LTBP1: variants seen among roughly 807,000 people sequenced by gnomAD.
LTBP1 encodes the protein latent transforming growth factor beta binding protein 1, also known as latent-transforming growth factor beta-binding protein 1.
Under a neutral mutation model 207.6 loss-of-function variants are expected in LTBP1, and 129 were observed. The ratio of observed to expected loss-of-function variants is 0.62; its 90% CI spans 0.54 to 0.72. LTBP1 has a LOEUF of 0.72. Among genes scored for constraint, LTBP1 ranks in the 30% least tolerant of loss-of-function variants. LTBP1 has a pLI of 0.00. For synonymous variants in LTBP1, 963 were observed against 833.7 expected (o/e 1.16, Z -2.67); for missense variants, 2,281 against 2,217.2 (o/e 1.03, Z -0.58).
chr2:33,019,587 C>T (rs954696604), intron 2 of LTBP1, among the ~76,000 whole-genome samples: 4 of 151,974 alleles, frequency 2.6e-5, no homozygotes, highest in East Asian at 1.9e-4. Context: ...CACCGGGCTC[C>T]GTCTCCCAAA....
chr2:33,264,285 TA>T (rs1238709938), intron 15 of LTBP1, among the ~76,000 whole-genome samples: 6 of 150,942 alleles, frequency 4.0e-5, no homozygotes, highest in Admixed American at 3.3e-4. Context: ...GAATATGATG[TA>T]ATGATTACCA....
At chr2:33,165,786 A>G (rs2084861980) in intron 5 of LTBP1, among the ~76,000 whole-genome samples, 1 of 152,232 alleles carries the variant, frequency 6.6e-6, no homozygotes, top group East Asian at 1.9e-4. Context: ...ATCACCTAGT[A>G]AAGTCTGCTT....
At chr2:32,984,959 C>CAAAAT in intron 2 of LTBP1, among the ~76,000 whole-genome samples, 1 of 151,896 alleles carries the variant, frequency 6.6e-6, no homozygotes, top group South Asian at 2.1e-4. Flanking sequence ...CAAAACAAAA[C>CAAAAT]AAAACCAGTT....
At chr2:33,072,728 C>T (rs1028045541) in intron 3 of LTBP1, among the ~76,000 whole-genome samples, 9 of 152,014 alleles carry the variant, frequency 5.9e-5, no homozygotes, top group East Asian at 1.9e-4. Flanking sequence ...GGTTGAAAAC[C>T]GGTATATTAA....
intron 5 of LTBP1, among the ~76,000 whole-genome samples, chr2:33,144,228 A>G (rs2082847468): frequency 6.6e-6 from 1 of 152,168 alleles, no homozygotes. Flanking sequence ...AGGATATAGA[A>G]GGACAATTTC....
At chr2:32,954,043 A>G (rs1677637210) in intron 2 of LTBP1, among the ~76,000 whole-genome samples, 1 of 152,120 alleles carries the variant, frequency 6.6e-6, no homozygotes, top group Non-Finnish European at 1.5e-5. Context: ...CACACCCTGT[A>G]GTGTCATTGA....
At chr2:33,262,690 T>A (rs746368872) in intron 13 of LTBP1, 32 bp from the exon 14 acceptor site, 1 of 1,149,632 alleles carries the variant, frequency 8.7e-7, no homozygotes, top group African/African-American at 1.6e-5. Flanking sequence ...TCTTTTTTTT[T>A]TCTTATTCTC....
chr2:33,153,081 A>C (rs2083670418), intron 5 of LTBP1, among the ~76,000 whole-genome samples: 1 of 152,188 alleles, frequency 6.6e-6, no homozygotes. Context: ...AAATGAGATG[A>C]GGCTCTCTTT....
At chr2:33,383,221 C>T (rs553615314) in intron 31 of LTBP1, among the ~76,000 whole-genome samples, 12 of 152,118 alleles carry the variant, frequency 7.9e-5, no homozygotes, top group Non-Finnish European at 1.5e-4. Context: ...GGCATGGTGG[C>T]GCACATCTGT....
At chr2:33,363,212 G>A (rs1252032513) in intron 28 of LTBP1, among the ~76,000 whole-genome samples, 178 bp from the exon 29 acceptor site, 1 of 152,106 alleles carries the variant, frequency 6.6e-6, no homozygotes, top group Non-Finnish European at 1.5e-5. Flanking sequence ...ATCTGTTTAT[G>A]TTTTTATGCC....
intron 5 of LTBP1, among the ~76,000 whole-genome samples, chr2:33,179,961 T>C (rs2086452425): frequency 6.6e-6 from 1 of 152,206 alleles, no homozygotes; most frequent in South Asian, 2.1e-4. Flanking sequence ...CCTTTCTCCC[T>C]GCCTCTTACA....
chr2:33,222,022 A>G, intron 8 of LTBP1, 58 bp from the exon 9 acceptor site: 1 of 1,258,352 alleles, frequency 7.9e-7, no homozygotes, highest in Non-Finnish European at 1.2e-6. Flanking sequence ...GATATCACTT[A>G]CACTAGTCTA....
At position 33,277,760 on chromosome 2, in the gene LTBP1, C is replaced by CTTTCTTTCTTTCTTTCTTT. The variant is rs1219527688; in HGVS notation, c.2992+1837_2992+1838insTTTCTTTCTTTCTTTCTTT. ...GAAGTCAAATACTGATTTTTTTTTC[C>CTTTCTTTCTTTCTTTCTTT]CTTTCTTTCTTTCTTTCTTTCTTTC... On this transcript the variant is annotated intron_variant, in intron 18 of 33. Transcript: ENST00000404816. Among the ~76,000 whole-genome samples, 344 of 95,382 alleles carry CTTTCTTTCTTTCTTTCTTT rather than the reference C, an allele frequency of 3.6e-3. 11 individuals are homozygous for CTTTCTTTCTTTCTTTCTTT. The highest frequency in any genetic ancestry group is 5.3e-3 in the Non-Finnish European group (266 of 50,370). 62.6% of individuals were successfully genotyped at this position (95,382 alleles called of 152,430 possible).
chr2:33,211,205 G>A (rs1228381919), intron 7 of LTBP1, among the ~76,000 whole-genome samples: 1 of 152,104 alleles, frequency 6.6e-6, no homozygotes, highest in Non-Finnish European at 1.5e-5. Context: ...TTATGGAGTG[G>A]CCCTTTTAAT....
intron 4 of LTBP1, among the ~76,000 whole-genome samples, chr2:33,124,968 A>G (rs977146913): frequency 6.6e-6 from 1 of 152,210 alleles, no homozygotes; most frequent in Non-Finnish European, 1.5e-5. Flanking sequence ...TGTCTTCCAG[A>G]TAAAGATCTT....
At chr2:33,341,730 A>G (rs2094625910) in intron 24 of LTBP1, among the ~76,000 whole-genome samples, 1 of 65,128 alleles carries the variant, frequency 1.5e-5, no homozygotes, top group South Asian at 5.6e-4. Context: ...AAAAAAAAAA[A>G]TATATATATA....
In LTBP1 at chr2:33,262,806, C is replaced by A. The variant is rs77938757; in HGVS notation, c.2503C>A (p.His835Asn). Residue 835 changes from histidine (H) to asparagine (N), a missense_variant, in exon 14 of 34, where the codon CAT becomes AAT. Physicochemically the swap from His to Asn is moderately conservative, Grantham distance 68 (BLOSUM62 1). Around this residue, in one of 3 missense-constraint regions of LTBP1, gnomAD observed 1,671 missense variants for 1,634.8 expected, o/e 1.02. Transcript: ENST00000404816. ...TCCAGGCATTTCCACTATTCATCTG[C>A]ATCCACAGTTTCCAGGTAGCCTGTG... ...LSPGISTIHL[H>N]PQFPVVIEKT... The A allele has an allele frequency of 3.2e-3, 5,193 of 1,606,488 alleles. 18 individuals are homozygous for A. Among genetic ancestry groups the A allele is most frequent in the Non-Finnish European group, 4.0e-3 (4,664 of 1,175,284 alleles).
At chr2:33,035,441 G>A (rs2075875826) in intron 3 of LTBP1, among the ~76,000 whole-genome samples, 1 of 152,226 alleles carries the variant, frequency 6.6e-6, no homozygotes. Flanking sequence ...AAACTGTGTA[G>A]TCAGGATTTG....
intron 7 of LTBP1, among the ~76,000 whole-genome samples, chr2:33,200,562 T>G (rs1031508232): frequency 1.3e-5 from 2 of 152,132 alleles, no homozygotes; most frequent in East Asian, 1.9e-4. Context: ...GGACATAGGC[T>G]TGGGCAAGGA....
Sources: allele counts gnomAD v4.1 joint callset (sites outside exome capture counted in the v4.1 genomes callset), GRCh38; gene constraint gnomAD v4.1.1; regional missense constraint gnomAD v4.1.1; transcripts MANE v1.5; gene names NCBI Gene and HGNC (gene_info 2026-07-23, HGNC 2026-07-21).